ZFHX3: variants seen among roughly 807,000 people sequenced by gnomAD.
ZFHX3 encodes zinc finger homeobox 3, also known as zinc finger homeobox protein 3.
A neutral mutation model predicts 279.1 loss-of-function variants in ZFHX3; 42 were observed. That is an observed-to-expected ratio of 0.15 (90% CI 0.12 to 0.19). ZFHX3 has a LOEUF of 0.19. ZFHX3 is among the 10% of genes least tolerant of loss of function. ZFHX3 has a pLI of 1.00. For missense variants in ZFHX3, 4,981 were observed against 4,754.0 expected (o/e 1.05, Z -1.40); for synonymous variants, 2,293 against 1,957.8 (o/e 1.17, Z -4.52).
chr16:73,854,489 A>C (rs1961669797), intron 1 of ZFHX3, among the ~76,000 whole-genome samples: 1 of 152,086 alleles, frequency 6.6e-6, no homozygotes. Context: ...GTGCCACTGC[A>C]CTCCAGCCTA....
intron 1 of ZFHX3, among the ~76,000 whole-genome samples, chr16:73,802,212 A>G (rs1471894082): frequency 6.6e-6 from 1 of 152,092 alleles, no homozygotes; most frequent in Non-Finnish European, 1.5e-5. Context: ...TCCCAGGATG[A>G]TAGTATCAAA....
chr16:72,889,374 G>A (rs1477642865), intron 4 of ZFHX3, among the ~76,000 whole-genome samples: 1 of 151,980 alleles, frequency 6.6e-6, no homozygotes, highest in East Asian at 1.9e-4. Flanking sequence ...AGTATGTACT[G>A]GAGGAATCTT....
At chr16:73,660,130 A>C (rs1421243363) in intron 2 of ZFHX3, among the ~76,000 whole-genome samples, 1 of 152,214 alleles carries the variant, frequency 6.6e-6, no homozygotes, top group Non-Finnish European at 1.5e-5. Context: ...ACCCGAGGCA[A>C]AATTTAGGAC....
intron 5 of ZFHX3, among the ~76,000 whole-genome samples, chr16:73,234,965 T>C (rs1014637791): frequency 2.0e-5 from 3 of 152,236 alleles, no homozygotes; most frequent in Non-Finnish European, 4.4e-5. Flanking sequence ...TGTCCACTTT[T>C]AGAGAATCCC....
chr16:73,749,461 C>T (rs1441779420), intron 1 of ZFHX3, among the ~76,000 whole-genome samples: 2 of 152,158 alleles, frequency 1.3e-5, no homozygotes, highest in Non-Finnish European at 2.9e-5. Context: ...TTTATTACAG[C>T]TATTTACTAT....
At chr16:73,044,075 T>A (rs1280240608) in intron 1 of ZFHX3, among the ~76,000 whole-genome samples, 1 of 152,176 alleles carries the variant, frequency 6.6e-6, no homozygotes, top group Non-Finnish European at 1.5e-5. Flanking sequence ...CCCTTTATGA[T>A]TTAAACTAGC....
intron 1 of ZFHX3, among the ~76,000 whole-genome samples, chr16:73,834,565 T>TA (rs1961087589): frequency 6.6e-6 from 1 of 152,230 alleles, no homozygotes. Flanking sequence ...AACTAGCAGA[T>TA]ACTTCCTCAC....
chr16:73,399,688 G>A (rs1050007594), intron 3 of ZFHX3, among the ~76,000 whole-genome samples: 1 of 152,172 alleles, frequency 6.6e-6, no homozygotes, highest in African/African-American at 2.4e-5. Context: ...ATCGAGTGCT[G>A]TTTTGTCTCC....
chr16:73,643,828 C>T (rs910800478), intron 2 of ZFHX3, among the ~76,000 whole-genome samples: 8 of 152,162 alleles, frequency 5.3e-5, no homozygotes, highest in African/African-American at 1.9e-4. Flanking sequence ...AAAACAAAAG[C>T]CCTTTTTCAG....
At chr16:73,539,238 G>T (rs1298554975) in intron 2 of ZFHX3, among the ~76,000 whole-genome samples, 1 of 151,468 alleles carries the variant, frequency 6.6e-6, no homozygotes, top group Non-Finnish European at 1.5e-5. Context: ...CACGTGCATA[G>T]TACACCTATC....
At chr16:73,184,305 C>T (rs1046212189) in intron 5 of ZFHX3, among the ~76,000 whole-genome samples, 5 of 152,194 alleles carry the variant, frequency 3.3e-5, no homozygotes, top group African/African-American at 1.2e-4. Context: ...AATGCAGCCA[C>T]CTGCAGACCT....
In ZFHX3 at chr16:73,512,417, C is replaced by T. The variant is rs531521614; in HGVS notation, c.-1546-56159G>A. Reference sequence around the variant, plus strand: ...GAGCCAAGATCACTCCACTGCACTCCAGCCTGGCAACAGAGCGAGACTCCG... The same window carrying T: ...GAGCCAAGATCACTCCACTGCACTCTAGCCTGGCAACAGAGCGAGACTCCG... On this transcript the variant is annotated intron_variant, in intron 2 of 17. Transcript: ENST00000641206. Among the ~76,000 whole-genome samples, 18 of 136,906 alleles carry T rather than the reference C, an allele frequency of 1.3e-4. No individual in the cohort carries two copies. In the East Asian group the frequency reaches 3.4e-3, roughly 26 times the overall value. The allele number at this position is 136,906 out of a possible 152,430, so 89.8% of individuals were successfully genotyped here.
chr16:72,829,794 C>A lies in ZFHX3; in HGVS notation c.3514G>T (p.Asp1172Tyr), dbSNP rs200943047. The A allele has an allele frequency of 5.9e-5, 96 of 1,614,104 alleles. No individual in the cohort carries two copies. The highest frequency in any genetic ancestry group is 7.9e-5 in the Non-Finnish European group (93 of 1,180,048). The change falls in exon 5 of 10, where the codon GAC (aspartate) becomes TAC (tyrosine). Residue 1172 changes from aspartate to tyrosine, a missense_variant. Asp to Tyr is a radical substitution (Grantham distance 160, BLOSUM62 -3). Transcript: ENST00000268489. ...TAADPEELAK[D>Y]QEGGASSSQA... ...TCTTTCTCACCTCCGCCCTCTTGGT[C>A]CTTAGCAAGCTCCTCTGGATCAGCA... is the stretch of plus-strand genomic sequence containing the variant.
At chr16:73,281,001 A>T (rs1299536867) in intron 4 of ZFHX3, among the ~76,000 whole-genome samples, 1 of 129,904 alleles carries the variant, frequency 7.7e-6, no homozygotes, top group Admixed American at 8.1e-5. Flanking sequence ...AGAAAGAGGG[A>T]AATGAAGGGA....
At chr16:73,833,951 G>C (rs1961070096) in intron 1 of ZFHX3, among the ~76,000 whole-genome samples, 3 of 151,718 alleles carry the variant, frequency 2.0e-5, no homozygotes, top group South Asian at 2.1e-4. Context: ...AAACGACAAG[G>C]GTGGTATGTT....
chr16:72,808,621 C>T (rs2036342948), intron 7 of ZFHX3, among the ~76,000 whole-genome samples: 1 of 152,200 alleles, frequency 6.6e-6, no homozygotes. Context: ...ACAATCTGCA[C>T]ACTTCTCAGA....
At chr16:73,348,442 C>G (rs188121951) in intron 3 of ZFHX3, among the ~76,000 whole-genome samples, 149 of 152,276 alleles carry the variant, frequency 9.8e-4, no homozygotes, top group African/African-American at 3.2e-3. Context: ...CCTCTTCAGA[C>G]CCTGAAAGAA....
chr16:73,427,921 C>A (rs1019034116), intron 3 of ZFHX3, among the ~76,000 whole-genome samples: 1 of 151,974 alleles, frequency 6.6e-6, no homozygotes, highest in Non-Finnish European at 1.5e-5. Context: ...CCTGCTTGGG[C>A]GACAGAGCGA....
At chr16:73,473,371 A>AAAAAAAAAAAAAAAC (rs2018709703) in intron 2 of ZFHX3, among the ~76,000 whole-genome samples, 2 of 150,714 alleles carry the variant, frequency 1.3e-5, no homozygotes, top group African/African-American at 5.0e-5. Flanking sequence ...AAAAAAAAAA[A>AAAAAAAAAAAAAAAC]ACAAAATAAT....
Sources: allele counts gnomAD v4.1 joint callset (sites outside exome capture counted in the v4.1 genomes callset), GRCh38; gene constraint gnomAD v4.1.1; transcripts MANE v1.5; gene names NCBI Gene and HGNC (gene_info 2026-07-23, HGNC 2026-07-21).